The following HEXB variants were observed in gnomAD, a reference collection of about 807,000 sequenced individuals.
HEXB encodes hexosaminidase subunit beta.
A neutral mutation model predicts 71.2 loss-of-function variants in HEXB; 51 were observed. The observed-to-expected ratio is 0.72, with a 90% CI of 0.57 to 0.90. HEXB has a LOEUF of 0.90. Ranked by LOEUF, HEXB falls within the 40% of genes least tolerant of loss-of-function variation. The pLI is 0.00. For missense variants in HEXB, 617 were observed against 677.0 expected (o/e 0.91, Z 0.98); for synonymous variants, 266 against 249.3 (o/e 1.07, Z -0.63).
In HEXB at chr5:74,685,651, C is replaced by T. The variant is rs545913224; in HGVS notation, c.299+92C>T. 1,687 of 1,209,710 alleles carry T rather than the reference C, an allele frequency of 1.4e-3. 3 individuals are homozygous for T. The highest frequency in any genetic ancestry group is 4.2e-3 in the Middle Eastern group (20 of 4,808). 74.9% of individuals were successfully genotyped at this position (1,209,710 alleles called of 1,614,324 possible). The stretch of plus-strand genomic sequence containing the variant: ...TGTGCAGACCCTCACCACCCCACTG[C>T]GCAGACGAGAAACCGCCTGGGAGCT... On this transcript the variant is annotated intron_variant, in intron 1 of 13. Coordinates refer to ENST00000261416, the MANE Select transcript of HEXB (RefSeq NM_000521.4).
intron 1 of HEXB, among the ~76,000 whole-genome samples, chr5:74,670,252 T>G (rs565016794): frequency 1.3e-5 from 2 of 151,844 alleles, no homozygotes; most frequent in African/African-American, 2.4e-5. Context: ...TTTTTTTTTT[T>G]GCCTACTCAC....
chr5:74,642,189 A>G lies in HEXB; in HGVS notation c.-377+1631A>G, dbSNP rs192602867. Reference sequence around the variant, plus strand: ...GCGCCGAGAAATTTCGCTCCTTGCAAACAAAGAAAGACAGTGCCCTCTGAA... The same window carrying G: ...GCGCCGAGAAATTTCGCTCCTTGCAGACAAAGAAAGACAGTGCCCTCTGAA... On this transcript the variant is annotated intron_variant, in intron 1 of 13. Coordinates refer to the HEXB transcript ENST00000511181. Among the ~76,000 whole-genome samples, 30 of 152,282 alleles carry G rather than the reference A, an allele frequency of 2.0e-4. No individual in the cohort carries two copies. The East Asian group carries it at 5.2e-3, about 26-fold the overall frequency.
chr5:74,657,879 G>A (rs575374399), intron 1 of HEXB, among the ~76,000 whole-genome samples: 2 of 152,074 alleles, frequency 1.3e-5, no homozygotes, highest in Non-Finnish European at 1.5e-5. Flanking sequence ...CCTATGTTAC[G>A]CTTTTGTTGT....
intron 1 of HEXB, among the ~76,000 whole-genome samples, chr5:74,670,818 C>T (rs1321978525): frequency 6.6e-6 from 1 of 152,156 alleles, no homozygotes; most frequent in Non-Finnish European, 1.5e-5. Context: ...ACAAGACCCA[C>T]ACAGAGCCTG....
intron 1 of HEXB, among the ~76,000 whole-genome samples, chr5:74,685,786 C>T (rs1423144215): frequency 1.3e-5 from 2 of 151,996 alleles, no homozygotes; most frequent in Middle Eastern, 3.2e-3. Context: ...GTTTGAGAGC[C>T]GGATAGTAAG....
Position 74,718,906 on chromosome 5 carries a change from T to C in HEXB, c.1352T>C (p.Leu451Ser). Residue 451 changes from leucine (L) to serine (S), a missense_variant, in exon 11 of 14, where the codon TTA (leucine) becomes TCA (serine). Transcript: ENST00000261416. ...FPVILSAPWY[L>S]DLISYGQDWR... ...GTAATCCTTTCTGCTCCTTGGTACT[T>C]AGATTTGATTAGCTATGGACAAGAT... 1 of 1,614,054 alleles carries C rather than the reference T, an allele frequency of 6.2e-7. No individual in the cohort carries two copies. The highest frequency in any genetic ancestry group is 8.5e-7 in the Non-Finnish European group (1 of 1,179,964).
At chr5:74,689,928 T>G (rs2112130124) in intron 2 of HEXB, 1 of 190,000 alleles carries the variant, frequency 5.3e-6, no homozygotes, top group East Asian at 1.5e-4. Context: ...TGATATCATT[T>G]TCAATGGCTG....
At chr5:74,655,959 A>G (rs757448337) in intron 1 of HEXB, among the ~76,000 whole-genome samples, 4 of 152,216 alleles carry the variant, frequency 2.6e-5, no homozygotes, top group Non-Finnish European at 5.9e-5. Context: ...CTGAAGTGAC[A>G]TAATTCTTCA....
intron 1 of HEXB, among the ~76,000 whole-genome samples, chr5:74,644,009 C>G (rs1266728634): frequency 6.6e-6 from 1 of 152,210 alleles, no homozygotes; most frequent in Non-Finnish European, 1.5e-5. Context: ...CAGAGTGTGG[C>G]AGAGGGGCCA....
chr5:74,699,958 A>G (rs985800301), intron 5 of HEXB, among the ~76,000 whole-genome samples: 1 of 134,086 alleles, frequency 7.5e-6, no homozygotes, highest in African/African-American at 2.8e-5. Flanking sequence ...TTTTTTTTAC[A>G]TATTAATTAT....
intron 1 of HEXB, among the ~76,000 whole-genome samples, chr5:74,674,619 A>G (rs994158704): frequency 2.2e-4 from 33 of 151,616 alleles, no homozygotes; most frequent in South Asian, 6.3e-4. Flanking sequence ...AAAAAAAAAA[A>G]AAGAAGAAGA....
chr5:74,669,331 C>A (rs900786181), intron 1 of HEXB, among the ~76,000 whole-genome samples: 2 of 151,574 alleles, frequency 1.3e-5, no homozygotes, highest in African/African-American at 2.4e-5. Flanking sequence ...GAGCATTATT[C>A]AAATCTAAGC....
intron 5 of HEXB, among the ~76,000 whole-genome samples, chr5:74,701,519 T>A (rs1749260372): frequency 6.6e-6 from 1 of 152,136 alleles, no homozygotes; most frequent in South Asian, 2.1e-4. Context: ...TAAATTCCAA[T>A]AAATATGGAA....
At chr5:74,664,448 A>AAAAAAAAAAAC (rs756960235) in intron 1 of HEXB, among the ~76,000 whole-genome samples, 9,005 of 124,346 alleles carry the variant, frequency 0.072, 556 homozygotes, top group Non-Finnish European at 0.092. Context: ...AAAAAAAAAA[A>AAAAAAAAAAAC]AAAAACAGAG....
chr5:74,655,312 C>CTTT (rs386404134), intron 1 of HEXB, among the ~76,000 whole-genome samples: 15 of 125,116 alleles, frequency 1.2e-4, no homozygotes, highest in Non-Finnish European at 2.0e-4. Context: ...AAGCATTAAA[C>CTTT]TTTTTTTTTT....
chr5:74,667,485 A>G (rs1054017581), intron 1 of HEXB, among the ~76,000 whole-genome samples: 1 of 152,202 alleles, frequency 6.6e-6, no homozygotes, highest in African/African-American at 2.4e-5. Flanking sequence ...CTCTTCAGGC[A>G]TTACAACAAT....
intron 1 of HEXB, among the ~76,000 whole-genome samples, chr5:74,666,547 G>A (rs916098015): frequency 2.0e-5 from 3 of 152,080 alleles, no homozygotes; most frequent in South Asian, 2.1e-4. Flanking sequence ...GGCAGGTGCC[G>A]CTTCCCCATC....
upstream of HEXB, among the ~76,000 whole-genome samples, chr5:74,682,697 G>T (rs985109974): frequency 6.6e-6 from 1 of 152,184 alleles, no homozygotes; most frequent in Non-Finnish European, 1.5e-5. Context: ...GTAAAAAGTG[G>T]CAGTAAAGAT....
At chr5:74,697,969 C>T (rs1204523485) in intron 5 of HEXB, among the ~76,000 whole-genome samples, 1 of 151,956 alleles carries the variant, frequency 6.6e-6, no homozygotes, top group Non-Finnish European at 1.5e-5. Context: ...TTAATCCCCA[C>T]CATCACCTGC....
Sources: allele counts gnomAD v4.1 joint callset (sites outside exome capture counted in the v4.1 genomes callset), GRCh38; gene constraint gnomAD v4.1.1; transcripts MANE v1.5; gene names NCBI Gene and HGNC (gene_info 2026-07-23, HGNC 2026-07-21).